C2orf72: variants seen among roughly 807,000 people sequenced by gnomAD.
The protein encoded by C2orf72 is chromosome 2 open reading frame 72, also known as uncharacterized protein C2orf72.
C2orf72 carries 16 observed loss-of-function variants against 14.4 expected under a neutral mutation model. The ratio of observed to expected loss-of-function variants is 1.11; its 90% CI spans 0.75 to 1.69. C2orf72 has a LOEUF of 1.69. C2orf72 is among the 40% of genes most tolerant of loss of function. C2orf72 has a pLI of 0.00. For synonymous variants in C2orf72, 168 were observed against 176.8 expected (o/e 0.95, Z 0.40); for missense variants, 371 against 358.3 (o/e 1.04, Z -0.29).
At chr2:231,042,458 T>C (rs990602901) in intron 2 of C2orf72, among the ~76,000 whole-genome samples, 2 of 152,208 alleles carry the variant, frequency 1.3e-5, no homozygotes, top group East Asian at 1.9e-4. Flanking sequence ...GGTATCTCTC[T>C]GAAAATATCT....
intron 2 of C2orf72, among the ~76,000 whole-genome samples, chr2:231,043,411 A>G (rs1693370585): frequency 6.6e-6 from 1 of 151,920 alleles, no homozygotes; most frequent in Non-Finnish European, 1.5e-5. Flanking sequence ...AAAAAAAAAA[A>G]GAAAGAAAAC....
chr2:231,041,964 C>T (rs1454211773), intron 2 of C2orf72, among the ~76,000 whole-genome samples: 2 of 152,086 alleles, frequency 1.3e-5, no homozygotes, highest in Non-Finnish European at 2.9e-5. Context: ...GATGTGCAGC[C>T]TTCAGGAGTA....
intron 1 of C2orf72, among the ~76,000 whole-genome samples, chr2:231,038,759 G>T (rs1434292026): frequency 6.6e-6 from 1 of 152,046 alleles, no homozygotes; most frequent in Non-Finnish European, 1.5e-5. Context: ...ATGGGTGCTC[G>T]GGACTTGACG....
intron 2 of C2orf72, among the ~76,000 whole-genome samples, chr2:231,046,255 G>A (rs1200400817): frequency 2.0e-5 from 3 of 150,926 alleles, no homozygotes; most frequent in Non-Finnish European, 4.4e-5. Flanking sequence ...GTAATCCACA[G>A]ATCTTATTCG....
chr2:231,037,985 G>A lies in C2orf72; in HGVS notation c.420G>A (p.Ala140=). 1 of 1,031,160 alleles carries A rather than the reference G, an allele frequency of 9.7e-7. No homozygotes were observed. Among genetic ancestry groups the A allele is most frequent in the Non-Finnish European group, 1.2e-6 (1 of 864,408 alleles). The allele number at this position is 1,031,160 out of a possible 1,614,324, so 63.9% of individuals were successfully genotyped here. The change falls in exon 1 of 3, where the codon GCG becomes GCA. Residue 140 remains alanine (A), a synonymous_variant. Transcript: ENST00000373640. ...TGCGCGGCCGGCGGCGGGCCGGGGC[G>A]GCGCTGGTCGGGGTGCTGGTGGCCG... ...RDVRGRRRAG[A]ALVGVLVAEA...
At position 231,046,940 on chromosome 2, in the gene C2orf72, C is replaced by T. The variant is rs981043793; in HGVS notation, c.807C>T (p.Asp269=). The T allele has an allele frequency of 6.4e-6, 10 of 1,551,690 alleles. No homozygotes were observed. In the South Asian group the frequency reaches 1.2e-4, roughly 18 times the overall value. Residue 269 remains aspartate, a synonymous_variant, in exon 3 of 3, where the codon GAC becomes GAT. Coordinates refer to ENST00000373640, the MANE Select transcript of C2orf72 (RefSeq NM_001144994.2). ...TAACAGCCATATTTCCCAATGGAGACTGTGATGACCTTGGAAGGGGGTCAA... is the reference window on the plus strand; with the variant it reads ...TAACAGCCATATTTCCCAATGGAGATTGTGATGACCTTGGAAGGGGGTCAA... The part of the protein sequence containing the change: ...LPLTAIFPNG[D]CDDLGRGSKA...
In C2orf72 at chr2:231,037,605, C is replaced by A; in HGVS notation, c.40C>A (p.Arg14Ser). 9.2e-7 allele frequency: 1 copy of A among 1,083,828 alleles called. No individual in the cohort carries two copies. Among genetic ancestry groups the A allele is most frequent in the Non-Finnish European group, 1.1e-6 (1 of 893,090 alleles). 67.1% of individuals were successfully genotyped at this position (1,083,828 alleles called of 1,614,324 possible). ...ELEALAARLA[R>S]PAEPPFQALV... Reference sequence around the variant, plus strand: ...GGAGGCGCTGGCGGCCCGGCTTGCGCGCCCTGCCGAGCCGCCCTTCCAGGC... The same window carrying A: ...GGAGGCGCTGGCGGCCCGGCTTGCGAGCCCTGCCGAGCCGCCCTTCCAGGC... The change falls in exon 1 of 3, where the codon CGC becomes AGC. Residue 14 changes from arginine (R) to serine (S), a missense_variant. This residue lies in a region of C2orf72 where 214 missense variants were observed against 178.7 expected (regional missense o/e 1.20). Transcript: ENST00000373640.
Position 231,037,898 on chromosome 2 carries a change from CCG to C in C2orf72, c.338_339del (p.Ala113ValfsTer143). ...IRSPLVFVLC[R>X]ASSLAAREPR... Reference sequence around the variant, plus strand: ...GCTCGCCGCTGGTCTTCGTGCTGTGCCGCGCGTCGTCGCTGGCCGCCCGGGAG... The same window carrying C: ...GCTCGCCGCTGGTCTTCGTGCTGTGCCGCGTCGTCGCTGGCCGCCCGGGAG... On this transcript the variant is annotated frameshift_variant, in exon 1 of 3. Transcript: ENST00000373640. LOFTEE classifies it high-confidence loss of function. The C allele has an allele frequency of 9.8e-7, 1 of 1,020,446 alleles. No individual in the cohort carries two copies. Among genetic ancestry groups the C allele is most frequent in the Non-Finnish European group, 1.2e-6 (1 of 854,736 alleles). The allele number at this position is 1,020,446 out of a possible 1,614,324, so 63.2% of individuals were successfully genotyped here. A position where few individuals can be genotyped will look rare whatever the true frequency, so the allele number is the denominator to read the frequency against.
At chr2:231,043,960 C>T (rs144441961) in intron 2 of C2orf72, among the ~76,000 whole-genome samples, 38 of 152,298 alleles carry the variant, frequency 2.5e-4, no homozygotes, top group African/African-American at 8.4e-4. Context: ...CTATGCTATG[C>T]GGCATAGCCT....
chr2:231,039,115 T>C (rs1022831475), intron 1 of C2orf72, among the ~76,000 whole-genome samples: 2 of 151,442 alleles, frequency 1.3e-5, no homozygotes, highest in African/African-American at 4.9e-5. Context: ...TAGGTGGGAA[T>C]TGAATAATGA....
Position 231,041,364 on chromosome 2 carries a change from C to T in C2orf72, c.703C>T (p.Arg235Trp), listed in dbSNP as rs548480784. The change falls in exon 2 of 3, where the codon CGG becomes TGG. Residue 235 changes from arginine (R) to tryptophan (W), a missense_variant. Arg to Trp is a moderately radical substitution (Grantham distance 101, BLOSUM62 -3). Transcript: ENST00000373640. ...LACFSWGPWS[R>W]RKNQDVAACR... Reference sequence around the variant, plus strand: ...CTGCTTTTCCTGGGGTCCCTGGAGCCGGAGGAAGAACCAGGATGTTGCTGC... The same window carrying T: ...CTGCTTTTCCTGGGGTCCCTGGAGCTGGAGGAAGAACCAGGATGTTGCTGC... 44 of 1,551,524 alleles carry T rather than the reference C, an allele frequency of 2.8e-5. No homozygotes were observed. The East Asian group carries it at 5.9e-4, about 21-fold the overall frequency.
intron 1 of C2orf72, among the ~76,000 whole-genome samples, chr2:231,040,764 C>G (rs1258248968): frequency 6.6e-6 from 1 of 152,216 alleles, no homozygotes; most frequent in African/African-American, 2.4e-5. Context: ...GATACAGTCT[C>G]TTTACCTTTG....
At position 231,049,437 on chromosome 2, in the gene C2orf72, G is replaced by A. The variant is rs1472932074; in HGVS notation, c.*2416G>A. On this transcript the variant is annotated 3_prime_UTR_variant, in exon 3 of 3. Transcript: ENST00000373640. Reference sequence around the variant, plus strand: ...GTCTTCTAGCAGACAGAAGAGTTAGGTGCCAGAAAGGACAATCTTGATGGT... The same window carrying A: ...GTCTTCTAGCAGACAGAAGAGTTAGATGCCAGAAAGGACAATCTTGATGGT... The A allele has an allele frequency of 1.3e-5, 2 of 152,162 alleles. No homozygotes were observed. The highest frequency in any genetic ancestry group is 6.5e-5 in the Admixed American group (1 of 15,276). The allele number at this position is 152,162 out of a possible 1,614,324, so 9.4% of individuals were successfully genotyped here. A position where few individuals can be genotyped will look rare whatever the true frequency, so the allele number is the denominator to read the frequency against.
chr2:231,047,586 T>TG lies in C2orf72; in HGVS notation c.*570dup. On this transcript the variant is annotated 3_prime_UTR_variant, in exon 3 of 3. Transcript: ENST00000373640. The stretch of plus-strand genomic sequence containing the variant: ...TGTGTTGAGGGGGTCACAGTGACTG[T>TG]GGGGGCACCCCTGGCATCTAGTGGG... 4.3e-6 allele frequency: 1 copy of TG among 231,256 alleles called. No homozygotes were observed. Among genetic ancestry groups the TG allele is most frequent in the Non-Finnish European group, 8.7e-6 (1 of 114,330 alleles). The allele number at this position is 231,256 out of a possible 1,614,324, so 14.3% of individuals were successfully genotyped here. A position where few individuals can be genotyped will look rare whatever the true frequency, so the allele number is the denominator to read the frequency against.
At chr2:231,044,807 T>G (rs753459170) in intron 2 of C2orf72, among the ~76,000 whole-genome samples, 7 of 149,716 alleles carry the variant, frequency 4.7e-5, no homozygotes, top group Non-Finnish European at 7.4e-5. Flanking sequence ...TCAGGGACAA[T>G]AACACACATG....
intron 1 of C2orf72, among the ~76,000 whole-genome samples, chr2:231,039,498 G>A (rs1051034281): frequency 3.9e-5 from 6 of 152,098 alleles, no homozygotes; most frequent in African/African-American, 1.4e-4. Context: ...GAGTATTGGC[G>A]TTGGTTGGGG....
At chr2:231,046,286 T>C (rs1693414330) in intron 2 of C2orf72, among the ~76,000 whole-genome samples, 2 of 146,120 alleles carry the variant, frequency 1.4e-5, no homozygotes. Context: ...ATTTTACTTC[T>C]ATGCAGTGTG....
Position 231,048,684 on chromosome 2 carries a change from G to A in C2orf72, c.*1663G>A, listed in dbSNP as rs1650882653. The stretch of plus-strand genomic sequence containing the variant: ...CTTCCCTGCCTGATGAGGATGGTGT[G>A]AGGATGAGGAGGACGGCATCTCATT... On this transcript the variant is annotated 3_prime_UTR_variant, in exon 3 of 3. Coordinates refer to ENST00000373640, the MANE Select transcript of C2orf72 (RefSeq NM_001144994.2). 1 of 152,292 alleles carries A rather than the reference G, an allele frequency of 6.6e-6. No homozygotes were observed. The highest frequency in any genetic ancestry group is 2.4e-5 in the African/African-American group (1 of 41,456). The allele number at this position is 152,292 out of a possible 1,614,324, so 9.4% of individuals were successfully genotyped here.
At chr2:231,041,620 C>T (rs1288007645) in intron 2 of C2orf72, among the ~76,000 whole-genome samples, 5 of 151,990 alleles carry the variant, frequency 3.3e-5, no homozygotes, top group African/African-American at 1.2e-4. Context: ...CCCCAGGAGT[C>T]TCCACCTAAT....
Sources: gnomAD v4.1 joint callset for allele counts (sites outside exome capture counted in the v4.1 genomes callset) on GRCh38, gnomAD v4.1.1 for gene constraint, gnomAD v4.1.1 regional missense constraint, MANE v1.5 for transcripts, NCBI Gene and HGNC (gene_info 2026-07-23, HGNC 2026-07-21) for gene names.